The following GPHN variants were observed in gnomAD, a reference collection of about 807,000 sequenced individuals.
GPHN encodes gephyrin.
In GPHN, 17 loss-of-function variants were observed where a neutral mutation model predicts 95.5. The observed-to-expected ratio is 0.18, with a 90% CI of 0.12 to 0.27. GPHN has a LOEUF of 0.27. Ranked by LOEUF, GPHN falls within the 10% of genes least tolerant of loss-of-function variation. The pLI is 1.00. For missense variants in GPHN, 660 were observed against 978.1 expected (o/e 0.67, Z 4.34); for synonymous variants, 320 against 322.5 (o/e 0.99, Z 0.08).
At chr14:66,613,216 G>A (rs142413105) in intron 1 of GPHN, among the ~76,000 whole-genome samples, 1 of 151,976 alleles carries the variant, frequency 6.6e-6, no homozygotes, top group Admixed American at 6.6e-5. Context: ...CTGTTTAAAG[G>A]CACCTTATTT....
At chr14:67,234,391 A>G in the GPHN span, among the ~76,000 whole-genome samples, 1 of 152,214 alleles carries the variant, frequency 6.6e-6, no homozygotes, top group African/African-American at 2.4e-5. Flanking sequence ...AGAGAAGAAA[A>G]TGGAGAAAAT....
the GPHN span, chr14:67,302,306 C>T: frequency 1.8e-6 from 2 of 1,088,608 alleles, no homozygotes; most frequent in Middle Eastern, 3.3e-4. Context: ...CTTAAGATAA[C>T]TGAAGGTTAG....
chr14:66,992,665 G>A (rs1182681554), intron 9 of GPHN, among the ~76,000 whole-genome samples: 1 of 152,014 alleles, frequency 6.6e-6, no homozygotes, highest in Non-Finnish European at 1.5e-5. Context: ...TGTCTTTAGG[G>A]GGGTTTTGTA....
chr14:67,340,235 G>C, the GPHN span: 1 of 490,324 alleles, frequency 2.0e-6, no homozygotes, highest in Admixed American at 3.2e-5. Flanking sequence ...CTAAGTTTTT[G>C]GAAATGCCAT....
the GPHN span, among the ~76,000 whole-genome samples, chr14:67,401,615 A>G: frequency 6.6e-6 from 1 of 152,172 alleles, no homozygotes; most frequent in Admixed American, 6.6e-5. Flanking sequence ...GCCATCTGCA[A>G]GCCAAGGAGA....
chr14:66,953,868 A>G (rs2068291087), intron 8 of GPHN, among the ~76,000 whole-genome samples: 1 of 152,116 alleles, frequency 6.6e-6, no homozygotes. Flanking sequence ...CCCCGTCCCT[A>G]CTAAAAATAC....
At position 66,807,918 on chromosome 14, in the gene GPHN, T is replaced by C. The variant is rs138108755; in HGVS notation, c.202-16556T>C. 1.9e-3 allele frequency among the ~76,000 whole-genome samples: 295 copies of C among 152,330 alleles called. 1 individual carries two copies. The highest frequency in any genetic ancestry group is 6.8e-3 in the African/African-American group (283 of 41,576). ...GGACAGGATAGACATGACTTAGAAC[T>C]ACCAAGTTGTGGAGTATGCAAGTGA... On this transcript the variant is annotated intron_variant, in intron 3 of 22. Transcript: ENST00000478722.
chr14:66,587,845 T>C (rs1025173412), intron 1 of GPHN, among the ~76,000 whole-genome samples: 3 of 152,320 alleles, frequency 2.0e-5, no homozygotes, highest in Admixed American at 2.0e-4. Flanking sequence ...CTGCCAGCTC[T>C]GAAGAGAGCA....
chr14:67,356,601 T>G, the GPHN span, among the ~76,000 whole-genome samples: 3 of 152,152 alleles, frequency 2.0e-5, no homozygotes, highest in Non-Finnish European at 2.9e-5. Context: ...GTAAAACAAC[T>G]TTCTCAAAGT....
the GPHN span, among the ~76,000 whole-genome samples, chr14:67,436,540 A>G: frequency 6.6e-6 from 1 of 152,050 alleles, no homozygotes; most frequent in Non-Finnish European, 1.5e-5. Context: ...CCATATGGAG[A>G]CCAGGCAGGG....
chr14:67,203,911 C>A, the GPHN span, among the ~76,000 whole-genome samples: 1 of 152,178 alleles, frequency 6.6e-6, no homozygotes, highest in Non-Finnish European at 1.5e-5. Context: ...AGAGTTTCAC[C>A]ATATTGGTCA....
intron 8 of GPHN, among the ~76,000 whole-genome samples, chr14:66,942,554 G>A (rs183517239): frequency 1.7e-3 from 264 of 152,324 alleles, no homozygotes; most frequent in Non-Finnish European, 2.5e-3. Context: ...ACCATTGACA[G>A]AGAAGTTTGG....
the GPHN span, among the ~76,000 whole-genome samples, chr14:67,375,788 A>G: frequency 6.6e-6 from 1 of 152,224 alleles, no homozygotes; most frequent in African/African-American, 2.4e-5. Flanking sequence ...TTTTAGAAAT[A>G]CAGACTCTCA....
the GPHN span, chr14:67,653,465 G>A: frequency 6.8e-6 from 11 of 1,613,940 alleles, no homozygotes; most frequent in Middle Eastern, 3.3e-4. Context: ...AGAATCTTCC[G>A]ACTTTTGCTC....
chr14:66,907,292 T>G (rs1462598419), intron 5 of GPHN, among the ~76,000 whole-genome samples: 3 of 152,172 alleles, frequency 2.0e-5, no homozygotes, highest in Non-Finnish European at 4.4e-5. Context: ...CATCCTTACA[T>G]GCATATTGCT....
the GPHN span, among the ~76,000 whole-genome samples, chr14:67,530,990 C>A: frequency 6.6e-6 from 1 of 152,210 alleles, no homozygotes. Context: ...AGTCCCCATC[C>A]CGGCCTCATC....
the GPHN span, among the ~76,000 whole-genome samples, chr14:67,599,005 T>C: frequency 1.3e-5 from 2 of 152,212 alleles, no homozygotes; most frequent in Non-Finnish European, 2.9e-5. Context: ...GTACAGTGCT[T>C]TGCCTGAACA....
At position 66,534,608 on chromosome 14, in the gene GPHN, A is replaced by C. The variant is rs900376515; in HGVS notation, c.64+26017A>C. On this transcript the variant is annotated intron_variant, in intron 1 of 22. Transcript: ENST00000478722. ...AATATATTGTTTCATTTTTAAGAGT[A>C]TAATTGTTGGATGGTTGTCTTCCAA... Among the ~76,000 whole-genome samples the C allele has an allele frequency of 2.0e-5, 3 of 152,284 alleles. No homozygotes were observed. In the East Asian group the frequency reaches 5.8e-4, roughly 29 times the overall value.
intron 11 of GPHN, among the ~76,000 whole-genome samples, chr14:67,069,990 C>T (rs2076218676): frequency 6.6e-6 from 1 of 152,138 alleles, no homozygotes; most frequent in African/African-American, 2.4e-5. Context: ...GTAAGGTCTT[C>T]ACTTAGAATG....
Sources: allele counts gnomAD v4.1 joint callset (sites outside exome capture counted in the v4.1 genomes callset), GRCh38; gene constraint gnomAD v4.1.1; transcripts MANE v1.5; gene names NCBI Gene and HGNC (gene_info 2026-07-23, HGNC 2026-07-21).